Variants in AAGAB observed in about 807,000 individuals in gnomAD.
The protein encoded by AAGAB is alpha and gamma adaptin binding protein.
A neutral mutation model predicts 44.1 loss-of-function variants in AAGAB; 38 were observed. That is an observed-to-expected ratio of 0.86 (90% CI 0.67 to 1.13). The LOEUF is 1.13. Among genes scored for constraint, AAGAB ranks in the 50% most tolerant of loss-of-function variants. AAGAB has a pLI of 0.00. For missense variants in AAGAB, 450 were observed against 373.8 expected (o/e 1.20, Z -1.68); for synonymous variants, 131 against 131.8 (o/e 0.99, Z 0.04).
At chr15:67,207,953 T>C (rs550267828) in intron 7 of AAGAB, among the ~76,000 whole-genome samples, 2 of 152,342 alleles carry the variant, frequency 1.3e-5, no homozygotes, top group African/African-American at 4.8e-5. Flanking sequence ...TTACTGCACA[T>C]GAGCCGTCTG....
intron 5 of AAGAB, among the ~76,000 whole-genome samples, chr15:67,216,078 A>AT (rs1352903331): frequency 6.6e-6 from 1 of 152,060 alleles, no homozygotes; most frequent in Non-Finnish European, 1.5e-5. Context: ...TAATAATACT[A>AT]TTTTTTCTCT....
intron 5 of AAGAB, among the ~76,000 whole-genome samples, chr15:67,229,069 G>C (rs959856037): frequency 3.3e-5 from 5 of 152,064 alleles, no homozygotes; most frequent in African/African-American, 1.2e-4. Context: ...AAAATCATTT[G>C]CACACCAAAC....
intron 5 of AAGAB, among the ~76,000 whole-genome samples, chr15:67,227,659 A>G (rs1032297674): frequency 2.0e-5 from 3 of 152,238 alleles, no homozygotes; most frequent in Admixed American, 1.3e-4. Context: ...CACTGGGCAC[A>G]CAGACGGATC....
chr15:67,210,790 T>C (rs1159447239), intron 5 of AAGAB, among the ~76,000 whole-genome samples: 2 of 152,216 alleles, frequency 1.3e-5, no homozygotes, highest in Non-Finnish European at 2.9e-5. Flanking sequence ...TCTCAACTTT[T>C]AGCAAGTGCT....
At chr15:67,203,469 C>G in intron 9 of AAGAB, 79 bp downstream of exon 9, 1 of 1,228,260 alleles carries the variant, frequency 8.1e-7, no homozygotes, top group Non-Finnish European at 1.2e-6. Flanking sequence ...TTCAGAAATA[C>G]ACAAGTGTGA....
chr15:67,221,093 A>C (rs553391714), intron 5 of AAGAB: 1 of 152,254 alleles, frequency 6.6e-6, no homozygotes, highest in East Asian at 1.9e-4. Flanking sequence ...GTCCACACTT[A>C]TTTATTATAT....
rs149982455 is a variant in AAGAB at position 67,203,060 on chromosome 15, C to A, written c.871-162G>T. On this transcript the variant is annotated intron_variant, in intron 9 of 9. Transcript: ENST00000261880. The stretch of plus-strand genomic sequence containing the variant: ...TTGAATACCATTTGACCCATGATCG[C>A]CACATCTAGAAATTTATACCAAGGA... Among the ~76,000 whole-genome samples the A allele has an allele frequency of 3.9e-3, 598 of 152,262 alleles. 2 individuals are homozygous for A. The highest frequency in any genetic ancestry group is 0.012 in the African/African-American group (490 of 41,534).
At chr15:67,223,534 G>A (rs1448995136) in intron 5 of AAGAB, among the ~76,000 whole-genome samples, 6 of 151,878 alleles carry the variant, frequency 4.0e-5, no homozygotes, top group Admixed American at 6.6e-5. Flanking sequence ...CCTAGAATTC[G>A]ACCTTTTCTT....
intron 3 of AAGAB, 43 bp from the exon 4 acceptor site, chr15:67,236,111 T>C (rs748150654): frequency 7.0e-7 from 1 of 1,434,402 alleles, no homozygotes; most frequent in South Asian, 1.2e-5. Flanking sequence ...AAAAAGAAAA[T>C]AAAACATGAC....
rs978564721 is a variant in AAGAB, at chr15:67,254,275, C to T, written c.73+284G>A. 2.0e-5 allele frequency: 13 copies of T among 661,576 alleles called. No homozygotes were observed. The African/African-American group carries it at 2.4e-4, about 12-fold the overall frequency. The allele number at this position is 661,576 out of a possible 1,614,324, so 41.0% of individuals were successfully genotyped here. A position where few individuals can be genotyped will look rare whatever the true frequency, so the allele number is the denominator to read the frequency against. ...TTCCGGAGAGCCTTCAGGTTCATCTCAACGGATCCTCGCAAAAACCTGTGG... is the reference window on the plus strand; with the variant it reads ...TTCCGGAGAGCCTTCAGGTTCATCTTAACGGATCCTCGCAAAAACCTGTGG... On this transcript the variant is annotated intron_variant, in intron 1 of 9. Coordinates refer to ENST00000261880, the MANE Select transcript of AAGAB (RefSeq NM_024666.5).
chr15:67,202,073 T>C lies in AAGAB; in HGVS notation c.*748A>G, dbSNP rs1963580944. 6.6e-6 allele frequency: 1 copy of C among 152,360 alleles called. No individual in the cohort carries two copies. The highest frequency in any genetic ancestry group is 2.1e-4 in the South Asian group (1 of 4,834). 9.4% of individuals were successfully genotyped at this position (152,360 alleles called of 1,614,324 possible). On this transcript the variant is annotated 3_prime_UTR_variant, in exon 10 of 10. Coordinates refer to ENST00000261880, the MANE Select transcript of AAGAB (RefSeq NM_024666.5). ...ATGAAAATCACGGTATGTTATCACATACTGTCTCCATGGCCCATACAAGGA... is the reference window on the plus strand; with the variant it reads ...ATGAAAATCACGGTATGTTATCACACACTGTCTCCATGGCCCATACAAGGA...
intron 1 of AAGAB, among the ~76,000 whole-genome samples, chr15:67,242,425 G>A (rs1426338096): frequency 5.6e-5 from 3 of 53,372 alleles, no homozygotes; most frequent in Non-Finnish European, 1.1e-4. Flanking sequence ...GCGAGACTCC[G>A]TCTCAAAAAA....
intron 5 of AAGAB, among the ~76,000 whole-genome samples, chr15:67,214,627 C>G (rs561481454): frequency 6.6e-6 from 1 of 152,170 alleles, no homozygotes; most frequent in East Asian, 1.9e-4. Flanking sequence ...CTAAAATCCT[C>G]AGGTTTTTAA....
At chr15:67,232,552 C>G (rs1275285105) in intron 4 of AAGAB, 2 of 401,808 alleles carry the variant, frequency 5.0e-6, no homozygotes, top group East Asian at 6.6e-5. Context: ...GCAACACTAC[C>G]TAAGAGAGAA....
chr15:67,248,877 TTAAATTTTCTACTCCATAAC>T (rs1161769869), intron 1 of AAGAB, among the ~76,000 whole-genome samples: 2 of 152,174 alleles, frequency 1.3e-5, no homozygotes, highest in East Asian at 3.8e-4. Context: ...ACACAAAAGG[TTAAATTTTCTACTCCATAAC>T]TAAATTTTCT....
intron 1 of AAGAB, among the ~76,000 whole-genome samples, chr15:67,250,679 A>G (rs1350923573): frequency 1.3e-5 from 2 of 152,178 alleles, no homozygotes; most frequent in African/African-American, 4.8e-5. Context: ...ATTTGCTCTC[A>G]TATCGTGTAT....
intron 5 of AAGAB, among the ~76,000 whole-genome samples, chr15:67,222,866 A>G (rs1165465132): frequency 6.6e-6 from 1 of 152,100 alleles, no homozygotes; most frequent in Non-Finnish European, 1.5e-5. Flanking sequence ...AATTTTCAAG[A>G]GTGTTTTATA....
intron 1 of AAGAB, among the ~76,000 whole-genome samples, chr15:67,239,001 G>A (rs984260118): frequency 6.6e-6 from 1 of 152,116 alleles, no homozygotes; most frequent in African/African-American, 2.4e-5. Flanking sequence ...ACCCATTCTT[G>A]GGTAATTTTT....
chr15:67,229,128 T>C (rs1465712265), intron 5 of AAGAB, among the ~76,000 whole-genome samples: 1 of 152,092 alleles, frequency 6.6e-6, no homozygotes, highest in African/African-American at 2.4e-5. Flanking sequence ...CGTGTGCTCC[T>C]TGAACCTAAA....
Sources: allele counts gnomAD v4.1 joint callset (sites outside exome capture counted in the v4.1 genomes callset), GRCh38; gene constraint gnomAD v4.1.1; transcripts MANE v1.5; gene names NCBI Gene and HGNC (gene_info 2026-07-23, HGNC 2026-07-21).